Variants in STKLD1 observed in about 807,000 individuals in gnomAD.
The protein encoded by STKLD1 is serine/threonine kinase-like domain-containing protein STKLD1.
STKLD1 carries 79 observed loss-of-function variants against 80.4 expected under a neutral mutation model. That is an observed-to-expected ratio of 0.98 (90% CI 0.82 to 1.19). The LOEUF (loss-of-function observed/expected upper bound fraction) is 1.19, where lower values mean the gene tolerates loss of function less well. Ranked by LOEUF, STKLD1 falls within the 50% of genes most tolerant of loss-of-function variation. The pLI, the probability that STKLD1 is intolerant of heterozygous loss-of-function variation, is 0.00. For missense variants in STKLD1, 841 were observed against 856.0 expected, an observed-to-expected ratio of 0.98 and a Z score of 0.22; for synonymous variants, 393 against 357.6, an observed-to-expected ratio of 1.10 and a Z score of -1.12.
chr9:133,396,618 A>G (rs932929631), intron 9 of STKLD1, among the ~76,000 whole-genome samples: 2 of 150,664 alleles, frequency 1.3e-5, no homozygotes, highest in African/African-American at 4.9e-5. Flanking sequence ...TTAGCTGGGC[A>G]TGGTGGGGTG....
At chr9:133,381,294 C>A (rs2130265795) in intron 2 of STKLD1, among the ~76,000 whole-genome samples, 4 of 151,542 alleles carry the variant, frequency 2.6e-5, no homozygotes, top group Non-Finnish European at 4.4e-5. Context: ...CACGTGCCAC[C>A]ACATCCAGCT....
intron 11 of STKLD1, 109 bp from the exon 12 acceptor site, chr9:133,400,303 AC>A: frequency 1.3e-6 from 1 of 742,750 alleles, no homozygotes; most frequent in Non-Finnish European, 2.3e-6. Context: ...CCTTCTATTC[AC>A]CCACCTAGGG....
At chr9:133,379,155 G>C in intron 2 of STKLD1, 33 bp downstream of exon 2, 1 of 1,585,496 alleles carries the variant, frequency 6.3e-7, no homozygotes, top group Non-Finnish European at 8.6e-7. Flanking sequence ...CCCATGCCGG[G>C]TGGTTCTGTG....
chr9:133,395,184 G>C (rs1216878958), intron 8 of STKLD1, among the ~76,000 whole-genome samples: 1 of 152,142 alleles, frequency 6.6e-6, no homozygotes, highest in Non-Finnish European at 1.5e-5. Flanking sequence ...GAAGCACCTT[G>C]CCACTCCCTT....
chr9:133,405,270 T>C lies in STKLD1; in HGVS notation c.1892T>C (p.Leu631Pro), dbSNP rs587681073. 415 of 1,609,072 alleles carry C rather than the reference T, an allele frequency of 2.6e-4. 4 individuals are homozygous for C. In the East Asian group the frequency reaches 9.2e-3, roughly 36 times the overall value. ...CCTGCAGAGGAGATCCTGCCGGAGC[T>C]GGTGTCCAGTAGTATGAAGGCCCTG... ...LASYEEILPE[L>P]VSSSMKALLQ... The change falls in exon 18 of 18, where the codon CTG (leucine) becomes CCG (proline). Residue 631 changes from leucine (L) to proline (P), a missense_variant. Physicochemically the swap from Leu to Pro is moderately conservative, Grantham distance 98 (BLOSUM62 -3). Transcript: ENST00000371957.
intron 1 of STKLD1, among the ~76,000 whole-genome samples, chr9:133,376,831 C>T (rs1375026285): frequency 6.6e-6 from 1 of 152,196 alleles, no homozygotes; most frequent in Non-Finnish European, 1.5e-5. Context: ...ATCCTTCGTG[C>T]CTGGGGTCTG....
rs939475639 is a variant in STKLD1 at position 133,401,739 on chromosome 9, G to A, written c.1200G>A (p.Ala400=). The A allele has an allele frequency of 6.2e-6, 10 of 1,611,446 alleles. No individual in the cohort carries two copies. Among genetic ancestry groups the A allele is most frequent in the Admixed American group, 1.7e-5 (1 of 59,890 alleles). ...GGCGTCTTCCTCTGGCTTGAGCAGC[G>A]CTGGTGCACCACCCGGAAGCCAAGG... is the stretch of plus-strand genomic sequence containing the variant. The part of the protein sequence containing the change: ...CSLLLHLLGQ[A]LVHHPEAKAP... The change falls in exon 13 of 18, where the codon GCG becomes GCA. Residue 400 remains alanine, a splice_region_variant and synonymous_variant. Coordinates refer to ENST00000371957, the MANE Select transcript of STKLD1 (RefSeq NM_153710.5).
intron 5 of STKLD1, among the ~76,000 whole-genome samples, chr9:133,388,246 CTTG>C (rs2130282000): frequency 6.6e-5 from 10 of 152,056 alleles, no homozygotes; most frequent in Admixed American, 2.0e-4. Flanking sequence ...TTGTGTCAGT[CTTG>C]TTGTTGTTGT....
chr9:133,404,093 A>C (rs781963665), intron 16 of STKLD1, 45 bp downstream of exon 16: 2 of 1,524,028 alleles, frequency 1.3e-6, no homozygotes, highest in African/African-American at 2.8e-5. Context: ...AGGTGGGGGC[A>C]AGAATCAGCC....
Position 133,389,003 on chromosome 9 carries a change from C to G in STKLD1, c.397-523C>G. ...CCCCCTCAGCCCCTCTCTGACACCC[C>G]AGGGTGGCCCTGAATCCAGGGGCCC... On this transcript the variant is annotated intron_variant, in intron 5 of 17. Coordinates refer to ENST00000371957, the MANE Select transcript of STKLD1 (RefSeq NM_153710.5). This position sits in a 1 kb window ranked among gnomAD's most constrained non-coding sequence, Gnocchi z 6.4. 14 of 985,464 alleles carry G rather than the reference C, an allele frequency of 1.4e-5. No homozygotes were observed. Among genetic ancestry groups the G allele is most frequent in the Non-Finnish European group, 1.7e-5 (14 of 829,938 alleles). 61.0% of individuals were successfully genotyped at this position (985,464 alleles called of 1,614,324 possible). A position where few individuals can be genotyped will look rare whatever the true frequency, so the allele number is the denominator to read the frequency against.
Position 133,405,262 on chromosome 9 carries a change from G to A in STKLD1, c.1884G>A (p.Leu628=). 1 of 1,606,364 alleles carries A rather than the reference G, an allele frequency of 6.2e-7. No homozygotes were observed. The highest frequency in any genetic ancestry group is 1.1e-5 in the South Asian group (1 of 90,394). Reference sequence around the variant, plus strand: ...CTGCTCCACCTGCAGAGGAGATCCTGCCGGAGCTGGTGTCCAGTAGTATGA... The same window carrying A: ...CTGCTCCACCTGCAGAGGAGATCCTACCGGAGCTGGTGTCCAGTAGTATGA... ...LVHLASYEEI[L]PELVSSSMKA... is the part of the protein sequence containing the mutation. The change falls in exon 18 of 18, where the codon CTG becomes CTA. Residue 628 remains leucine, a synonymous_variant. Coordinates refer to ENST00000371957, the MANE Select transcript of STKLD1 (RefSeq NM_153710.5).
intron 5 of STKLD1, chr9:133,388,850 G>A (rs2130282963): frequency 3.0e-6 from 3 of 985,294 alleles, no homozygotes; most frequent in South Asian, 4.7e-5. Flanking sequence ...ATGGGCCTCA[G>A]AGGCAGGCCC....
Position 133,403,697 on chromosome 9 carries a change from C to T in STKLD1, c.1475-3C>T, listed in dbSNP as rs782302426. On this transcript the variant is annotated splice_region_variant and splice_polypyrimidine_tract_variant and intron_variant, in intron 14 of 17. Transcript: ENST00000371957. The stretch of plus-strand genomic sequence containing the variant: ...TCCCCTTCCATCCCTGTCCTCGTTC[C>T]AGGTATCATTGTGAACAAGGCCCCC... The T allele has an allele frequency of 3.1e-6, 5 of 1,612,550 alleles. No individual in the cohort carries two copies. In the South Asian group the frequency reaches 5.5e-5, roughly 18 times the overall value.
intron 14 of STKLD1, among the ~76,000 whole-genome samples, chr9:133,403,393 GC>G (rs1554778071): frequency 6.6e-6 from 1 of 152,152 alleles, no homozygotes; most frequent in Non-Finnish European, 1.5e-5. Flanking sequence ...ACAGTAGGGG[GC>G]CCCCTGGCCT....
At chr9:133,383,058 A>G (rs1838178936) in intron 2 of STKLD1, among the ~76,000 whole-genome samples, 1 of 143,560 alleles carries the variant, frequency 7.0e-6, no homozygotes, top group African/African-American at 2.6e-5. Context: ...AATAGTGGTG[A>G]TGGTGACGGT....
In STKLD1 at chr9:133,385,770, C is replaced by T. The variant is rs924714550; in HGVS notation, c.294+79C>T. ...CCAAGCAGACTGAGCCCAGAGCACG[C>T]CCACCCCCCACTGTCAGAATAGCTC... On this transcript the variant is annotated intron_variant, in intron 4 of 17. Transcript: ENST00000371957. This position sits in a 1 kb window ranked among gnomAD's most constrained non-coding sequence, Gnocchi z 4.9. The T allele has an allele frequency of 7.7e-7, 1 of 1,304,200 alleles. No individual in the cohort carries two copies. The highest frequency in any genetic ancestry group is 1.1e-6 in the Non-Finnish European group (1 of 910,942). 80.8% of individuals were successfully genotyped at this position (1,304,200 alleles called of 1,614,324 possible). A position where few individuals can be genotyped will look rare whatever the true frequency, so the allele number is the denominator to read the frequency against.
intron 4 of STKLD1, among the ~76,000 whole-genome samples, chr9:133,386,300 G>A (rs1444107845): frequency 1.3e-5 from 2 of 152,236 alleles, no homozygotes; most frequent in South Asian, 2.1e-4. Flanking sequence ...CAGCTAGTAC[G>A]TGGCCAAGCC....
chr9:133,394,226 C>A lies in STKLD1; in HGVS notation c.584-65C>A. The stretch of plus-strand genomic sequence containing the variant: ...GGGGATACAGTGCTGGGCAGGGTGA[C>A]TCTGTCAAGCCCCTGCCCCCAGGGA... On this transcript the variant is annotated intron_variant, in intron 7 of 17. Transcript: ENST00000371957. The surrounding 1 kb of genome is among the most constrained non-coding windows in gnomAD (Gnocchi z 4.9). 9.0e-7 allele frequency: 1 copy of A among 1,110,804 alleles called. No homozygotes were observed. Among genetic ancestry groups the A allele is most frequent in the Non-Finnish European group, 1.4e-6 (1 of 722,142 alleles). The allele number at this position is 1,110,804 out of a possible 1,614,324, so 68.8% of individuals were successfully genotyped here.
chr9:133,403,083 G>C, intron 14 of STKLD1, 71 bp downstream of exon 14: 1 of 1,459,376 alleles, frequency 6.9e-7, no homozygotes, highest in Non-Finnish European at 9.2e-7. Context: ...AACTGCCCCT[G>C]AGAGCCTTCG....
Sources: gnomAD v4.1 joint callset for allele counts (sites outside exome capture counted in the v4.1 genomes callset) on GRCh38, gnomAD v4.1.1 for gene constraint, Gnocchi (gnomAD v3.1) non-coding constraint, MANE v1.5 for transcripts, NCBI Gene and HGNC (gene_info 2026-07-23, HGNC 2026-07-21) for gene names.